CSMD3: variants seen among roughly 807,000 people sequenced by gnomAD.
The protein encoded by CSMD3 is CUB and sushi domain-containing protein 3.
A neutral mutation model predicts 435.2 loss-of-function variants in CSMD3; 177 were observed. The observed-to-expected ratio is 0.41, with a 90% CI of 0.36 to 0.46. The LOEUF (loss-of-function observed/expected upper bound fraction) is 0.46, where lower values mean the gene tolerates loss of function less well. CSMD3 is among the 20% of genes least tolerant of loss of function. The pLI is 0.34. For missense variants in CSMD3, 4,265 were observed against 4,504.6 expected, an observed-to-expected ratio of 0.95 and a Z score of 1.52; for synonymous variants, 1,656 against 1,520.5, an observed-to-expected ratio of 1.09 and a Z score of -2.07.
intron 3 of CSMD3, among the ~76,000 whole-genome samples, chr8:113,188,052 C>A (rs1399861867): frequency 6.6e-6 from 1 of 151,986 alleles, no homozygotes; most frequent in Admixed American, 6.6e-5. Context: ...AAACCAATTC[C>A]CACCTTCTCC....
chr8:112,442,543 T>C (rs1296764444), intron 32 of CSMD3, among the ~76,000 whole-genome samples: 1 of 152,186 alleles, frequency 6.6e-6, no homozygotes, highest in Non-Finnish European at 1.5e-5. Context: ...GATATTTTTC[T>C]TTTACTTTTA....
At chr8:112,233,469 T>C (rs192050890) in intron 68 of CSMD3, among the ~76,000 whole-genome samples, 21 of 152,268 alleles carry the variant, frequency 1.4e-4, no homozygotes, top group African/African-American at 4.6e-4. Context: ...TCTGAGTGCA[T>C]TGAAGATTTG....
intron 1 of CSMD3, among the ~76,000 whole-genome samples, chr8:113,411,664 T>C (rs1437813301): frequency 6.6e-6 from 1 of 152,168 alleles, no homozygotes; most frequent in Non-Finnish European, 1.5e-5. Context: ...TTCATGTGCT[T>C]ACAGAATTTA....
chr8:113,091,808 C>T (rs2131513447), intron 5 of CSMD3, among the ~76,000 whole-genome samples: 1 of 151,448 alleles, frequency 6.6e-6, no homozygotes, highest in South Asian at 2.1e-4. Context: ...TTTATTATTG[C>T]TTTTCTATTA....
intron 3 of CSMD3, among the ~76,000 whole-genome samples, chr8:113,271,367 G>T (rs185229109): frequency 2.6e-5 from 4 of 152,016 alleles, no homozygotes; most frequent in Non-Finnish European, 4.4e-5. Flanking sequence ...AGAAAAAAAC[G>T]GTTTCTTTGA....
At chr8:113,419,958 T>G (rs2094601971) in intron 1 of CSMD3, among the ~76,000 whole-genome samples, 1 of 152,092 alleles carries the variant, frequency 6.6e-6, no homozygotes, top group African/African-American at 2.4e-5. Context: ...AACTTAAAAT[T>G]TACATTCTTA....
chr8:113,081,691 C>T (rs541876037), intron 5 of CSMD3, among the ~76,000 whole-genome samples: 6 of 152,196 alleles, frequency 3.9e-5, no homozygotes, highest in Non-Finnish European at 7.4e-5. Flanking sequence ...TGATACTCCC[C>T]GCATCTCAAA....
chr8:113,039,302 T>C (rs2087499547), intron 5 of CSMD3, among the ~76,000 whole-genome samples: 1 of 152,192 alleles, frequency 6.6e-6, no homozygotes, highest in Non-Finnish European at 1.5e-5. Context: ...CTTATACATA[T>C]TTGTATTTTT....
intron 1 of CSMD3, among the ~76,000 whole-genome samples, chr8:113,415,142 A>C (rs2094576473): frequency 6.6e-6 from 1 of 152,210 alleles, no homozygotes; most frequent in South Asian, 2.1e-4. Context: ...GCCTCTGAGC[A>C]AAATAGAGAA....
chr8:112,319,558 A>T (rs1183620280), intron 46 of CSMD3, among the ~76,000 whole-genome samples: 2 of 152,198 alleles, frequency 1.3e-5, no homozygotes, highest in Non-Finnish European at 2.9e-5. Flanking sequence ...CATTCTGCCA[A>T]GTCAGGCATA....
intron 24 of CSMD3, among the ~76,000 whole-genome samples, chr8:112,559,788 A>G (rs1436242664): frequency 6.6e-6 from 1 of 151,872 alleles, no homozygotes; most frequent in Non-Finnish European, 1.5e-5. Context: ...AATATTTTGC[A>G]AAATATAAAA....
chr8:112,240,844 G>A (rs1563675380), intron 66 of CSMD3, among the ~76,000 whole-genome samples: 1 of 151,988 alleles, frequency 6.6e-6, no homozygotes, highest in Non-Finnish European at 1.5e-5. Context: ...AGATCTGGTG[G>A]TTTTATCAGG....
chr8:113,282,433 C>A (rs1357322574), intron 2 of CSMD3, among the ~76,000 whole-genome samples: 1 of 151,918 alleles, frequency 6.6e-6, no homozygotes, highest in African/African-American at 2.4e-5. Context: ...CTTCTATACA[C>A]CAACAGTGAC....
intron 24 of CSMD3, among the ~76,000 whole-genome samples, chr8:112,563,011 A>C (rs1828772014): frequency 6.6e-6 from 1 of 151,800 alleles, no homozygotes; most frequent in Non-Finnish European, 1.5e-5. Context: ...AATACTCTGG[A>C]ATTTAACTAT....
intron 22 of CSMD3, among the ~76,000 whole-genome samples, chr8:112,588,158 C>G (rs1166276778): frequency 6.7e-6 from 1 of 148,522 alleles, no homozygotes; most frequent in Non-Finnish European, 1.5e-5. Flanking sequence ...TTTACATTTT[C>G]AAATATTTAA....
intron 27 of CSMD3, among the ~76,000 whole-genome samples, chr8:112,526,587 G>A (rs1167048063): frequency 1.3e-5 from 2 of 151,762 alleles, no homozygotes; most frequent in Non-Finnish European, 2.9e-5. Flanking sequence ...GTACATTTCT[G>A]TTTTTTAATT....
rs192979673 is a variant in CSMD3 at position 112,703,091 on chromosome 8, T to C, written c.1973-13041A>G. On this transcript the variant is annotated intron_variant, in intron 13 of 70. Coordinates refer to ENST00000297405, the MANE Select transcript of CSMD3 (RefSeq NM_198123.2). ...ACTTGATTTTGTTATAATAATTTTG[T>C]CTTTCAGAATATAAAATGAGGTTGG... is the stretch of plus-strand genomic sequence containing the variant. Among the ~76,000 whole-genome samples, 33 of 152,294 alleles carry C rather than the reference T, an allele frequency of 2.2e-4. 1 individual carries two copies. The highest frequency in any genetic ancestry group is 8.8e-5 in the Non-Finnish European group (6 of 68,002).
intron 4 of CSMD3, among the ~76,000 whole-genome samples, chr8:113,147,720 C>T (rs1490676988): frequency 6.6e-6 from 1 of 151,606 alleles, no homozygotes; most frequent in Admixed American, 6.6e-5. Context: ...TTAAAGGTGT[C>T]TCTGTTTCGC....
intron 5 of CSMD3, among the ~76,000 whole-genome samples, chr8:113,054,998 T>C (rs2088257163): frequency 6.6e-6 from 1 of 152,204 alleles, no homozygotes; most frequent in Non-Finnish European, 1.5e-5. Context: ...ATTTGAAATG[T>C]TATCTACTAC....
Sources: gnomAD v4.1 joint callset for allele counts (sites outside exome capture counted in the v4.1 genomes callset) on GRCh38, gnomAD v4.1.1 for gene constraint, MANE v1.5 for transcripts, NCBI Gene and HGNC (gene_info 2026-07-23, HGNC 2026-07-21) for gene names.